PIKFYVE: variants seen among roughly 807,000 people sequenced by gnomAD.
The protein encoded by PIKFYVE is phosphoinositide kinase, FYVE-type zinc finger containing, also known as 1-phosphatidylinositol 3-phosphate 5-kinase.
In PIKFYVE, 122 loss-of-function variants were observed where a neutral mutation model predicts 257.9. That is an observed-to-expected ratio of 0.47 (90% confidence interval 0.41 to 0.55). The LOEUF (loss-of-function observed/expected upper bound fraction) is 0.55. Ranked by LOEUF, PIKFYVE falls within the 20% of genes least tolerant of loss-of-function variation. The pLI, the probability that PIKFYVE is intolerant of heterozygous loss-of-function variation, is 0.00. For missense variants in PIKFYVE, 2,160 were observed against 2,536.6 expected, an observed-to-expected ratio of 0.85 and a Z score of 3.19; for synonymous variants, 892 against 868.9, an observed-to-expected ratio of 1.03 and a Z score of -0.47.
intron 12 of PIKFYVE, among the ~76,000 whole-genome samples, chr2:208,310,520 C>T (rs1486328372): frequency 1.3e-5 from 2 of 152,082 alleles, no homozygotes; most frequent in East Asian, 1.9e-4. Flanking sequence ...AAGCAGGATT[C>T]TGAACTATTC....
intron 1 of PIKFYVE, chr2:208,269,610 G>A (rs567380390): frequency 2.9e-5 from 8 of 277,204 alleles, no homozygotes; most frequent in African/African-American, 1.8e-4. Context: ...GGGACTTCAG[G>A]TCATCACTCT....
rs1698491953 is a variant in PIKFYVE, at chr2:208,339,437, T to G, written c.4692T>G (p.Thr1564=). Reference sequence around the variant, plus strand: ...CTTTAGAGGATCGCTTCTTAACAACTTTGTCCAGCCAGAGCTCCACCAGTT... The same window carrying G: ...CTTTAGAGGATCGCTTCTTAACAACGTTGTCCAGCCAGAGCTCCACCAGTT... ...NGEKEDRFLT[T]LSSQSSTSST... Residue 1564 remains threonine (T), a synonymous_variant, in exon 30 of 42, where the codon ACT becomes ACG. Coordinates refer to ENST00000264380, the MANE Select transcript of PIKFYVE (RefSeq NM_015040.4). The G allele has an allele frequency of 6.2e-7, 1 of 1,614,044 alleles. No individual in the cohort carries two copies. The highest frequency in any genetic ancestry group is 8.5e-7 in the Non-Finnish European group (1 of 1,180,036).
At position 208,330,626 on chromosome 2, in the gene PIKFYVE, T is replaced by C; in HGVS notation, c.3895T>C (p.Leu1299=). 6.2e-7 allele frequency: 1 copy of C among 1,614,198 alleles called. No homozygotes were observed. Among genetic ancestry groups the C allele is most frequent in the Non-Finnish European group, 8.5e-7 (1 of 1,180,014 alleles). Residue 1299 remains leucine, a synonymous_variant, in exon 23 of 42, where the codon TTG becomes CTG. Coordinates refer to ENST00000264380, the MANE Select transcript of PIKFYVE (RefSeq NM_015040.4). ...CTGTGTGCAGATAATCCTGAAGGAG[T>C]TGGATTCTCCAGTACCTGGATATCA... The part of the protein sequence containing the change: ...QGCVQIILKE[L]DSPVPGYQHT...
intron 31 of PIKFYVE, among the ~76,000 whole-genome samples, chr2:208,340,953 G>A (rs549168631): frequency 6.6e-6 from 1 of 151,978 alleles, no homozygotes; most frequent in East Asian, 1.9e-4. Context: ...GATTGGGCTT[G>A]GATCCCTCTT....
At chr2:208,308,452 A>G (rs1694599244) in intron 12 of PIKFYVE, among the ~76,000 whole-genome samples, 1 of 151,954 alleles carries the variant, frequency 6.6e-6, no homozygotes, top group African/African-American at 2.4e-5. Context: ...AGAACCTTTG[A>G]AATTTACTCT....
Position 208,285,805 on chromosome 2 carries a change from A to G in PIKFYVE, c.693A>G (p.Glu231=), listed in dbSNP as rs758414181. The G allele has an allele frequency of 1.9e-5, 31 of 1,613,960 alleles. No individual in the cohort carries two copies. The South Asian group carries it at 3.3e-4, about 17-fold the overall frequency. Reference sequence around the variant, plus strand: ...CCACAGACAGTAATTCTATTGGGGAAGACTTGAATGCTCTTTCAGATTCTG... The same window carrying G: ...CCACAGACAGTAATTCTATTGGGGAGGACTTGAATGCTCTTTCAGATTCTG... ...AHSTDSNSIG[E]DLNALSDSAC... Residue 231 remains glutamate, a synonymous_variant, in exon 6 of 42, where the codon GAA becomes GAG. Transcript: ENST00000264380.
chr2:208,285,628 C>T, intron 5 of PIKFYVE, 98 bp from the exon 6 acceptor site: 2 of 950,500 alleles, frequency 2.1e-6, no homozygotes, highest in South Asian at 1.3e-5. Flanking sequence ...ATTAGATGAA[C>T]TGTTGACCCA....
At chr2:208,327,394 C>G (rs1295950369) in intron 20 of PIKFYVE, among the ~76,000 whole-genome samples, 3 of 152,068 alleles carry the variant, frequency 2.0e-5, no homozygotes, top group African/African-American at 7.2e-5. Flanking sequence ...AGGGTGCTTG[C>G]ATTTTTTAAG....
chr2:208,332,827 G>A (rs926524155), intron 23 of PIKFYVE, among the ~76,000 whole-genome samples: 4 of 151,918 alleles, frequency 2.6e-5, no homozygotes, highest in African/African-American at 9.7e-5. Context: ...GATGTTGTTG[G>A]TGGATTTATT....
chr2:208,279,118 C>T (rs1288160413), intron 5 of PIKFYVE, among the ~76,000 whole-genome samples: 2 of 152,108 alleles, frequency 1.3e-5, no homozygotes, highest in Non-Finnish European at 2.9e-5. Flanking sequence ...GAGATGGTAT[C>T]TTATTGTGGT....
At chr2:208,350,158 T>C in intron 36 of PIKFYVE, 75 bp downstream of exon 36, 1 of 1,585,230 alleles carries the variant, frequency 6.3e-7, no homozygotes. Context: ...TTGAGAATTC[T>C]AGCTTCATAC....
chr2:208,321,574 TG>T lies in PIKFYVE; in HGVS notation c.2190+1216del, dbSNP rs1559120740. On this transcript the variant is annotated intron_variant, in intron 17 of 41. Coordinates refer to ENST00000264380, the MANE Select transcript of PIKFYVE (RefSeq NM_015040.4). Reference sequence around the variant, plus strand: ...CTTCTTTTTTCTTTTTCTTTTCTTTTGTTTTTTTTTTTTTTTTTTTGAGACG... The same window carrying T: ...CTTCTTTTTTCTTTTTCTTTTCTTTTTTTTTTTTTTTTTTTTTTTGAGACG... 5.4e-4 allele frequency among the ~76,000 whole-genome samples: 6 copies of T among 11,018 alleles called. 2 individuals carry two copies. Among genetic ancestry groups the T allele is most frequent in the Non-Finnish European group, 2.3e-3 (5 of 2,166 alleles). The allele number at this position is 11,018 out of a possible 152,430, so 7.2% of individuals were successfully genotyped here.
rs922806829 is a variant in PIKFYVE, at chr2:208,309,533, A to G, written c.1637-2703A>G. Among the ~76,000 whole-genome samples, 6 of 152,360 alleles carry G rather than the reference A, an allele frequency of 3.9e-5. No individual in the cohort carries two copies. The East Asian group carries it at 7.7e-4, about 20-fold the overall frequency. On this transcript the variant is annotated intron_variant, in intron 12 of 41. Transcript: ENST00000264380. ...ACTGTTTTGTGTTCAGTTCTCATTT[A>G]TGAATAGAACGAGGTTGCCAGGATC...
intron 12 of PIKFYVE, 74 bp downstream of exon 12, chr2:208,305,087 CCTT>C (rs1219393193): frequency 2.7e-5 from 43 of 1,599,792 alleles, no homozygotes; most frequent in Non-Finnish European, 3.7e-5. Context: ...GCCAGCCTGT[CCTT>C]CTGGCTTCCT....
intron 32 of PIKFYVE, among the ~76,000 whole-genome samples, chr2:208,343,030 G>C (rs2125738971): frequency 6.6e-6 from 1 of 152,100 alleles, no homozygotes; most frequent in South Asian, 2.1e-4. Flanking sequence ...CCTGACCTCA[G>C]GTGATCCACC....
At chr2:208,306,502 T>G (rs1325202417) in intron 12 of PIKFYVE, among the ~76,000 whole-genome samples, 1 of 152,226 alleles carries the variant, frequency 6.6e-6, no homozygotes, top group East Asian at 1.9e-4. Context: ...GGTGATGATT[T>G]CATCTCTTGG....
chr2:208,339,545 C>T lies in PIKFYVE; in HGVS notation c.4800C>T (p.Ser1600=). 2 of 1,614,132 alleles carry T rather than the reference C, an allele frequency of 1.2e-6. No homozygotes were observed. Among genetic ancestry groups the T allele is most frequent in the Non-Finnish European group, 1.7e-6 (2 of 1,180,000 alleles). ...GGCCCCCTGAGCTAGATACAGCCAGCAGTTCCGAAGGTAGAGGTTAAGTCA... is the reference window on the plus strand; with the variant it reads ...GGCCCCCTGAGCTAGATACAGCCAGTAGTTCCGAAGGTAGAGGTTAAGTCA... The part of the protein sequence containing the change: ...VGGPPELDTA[S]SSEDVFDGHL... The change falls in exon 30 of 42, where the codon AGC becomes AGT. Residue 1600 remains serine (S), a synonymous_variant. Coordinates refer to ENST00000264380, the MANE Select transcript of PIKFYVE (RefSeq NM_015040.4).
chr2:208,303,151 G>A (rs912322444), intron 10 of PIKFYVE, among the ~76,000 whole-genome samples: 1 of 151,832 alleles, frequency 6.6e-6, no homozygotes, highest in Non-Finnish European at 1.5e-5. Context: ...TTAGGGAAGT[G>A]GAAATTATTT....
At chr2:208,295,105 A>T (rs902323083) in intron 7 of PIKFYVE, among the ~76,000 whole-genome samples, 4 of 152,122 alleles carry the variant, frequency 2.6e-5, no homozygotes, top group African/African-American at 7.2e-5. Context: ...GTGAGTTGTG[A>T]TCCTCTGTAT....
Sources: allele counts gnomAD v4.1 joint callset (sites outside exome capture counted in the v4.1 genomes callset), GRCh38; gene constraint gnomAD v4.1.1; transcripts MANE v1.5; gene names NCBI Gene and HGNC (gene_info 2026-07-23, HGNC 2026-07-21).